GRHL3: variants seen among roughly 807,000 people sequenced by gnomAD.
The protein encoded by GRHL3 is grainyhead like transcription factor 3, also known as grainyhead-like protein 3 homolog.
GRHL3 carries 20 observed loss-of-function variants against 70.3 expected under a neutral mutation model. The observed-to-expected ratio is 0.28, with a 90% CI of 0.20 to 0.41. The LOEUF (loss-of-function observed/expected upper bound fraction) is 0.41. Ranked by LOEUF, GRHL3 falls within the 10% of genes least tolerant of loss-of-function variation. The pLI is 1.00. For missense variants in GRHL3, 637 were observed against 762.3 expected, an observed-to-expected ratio of 0.84 and a Z score of 1.94; for synonymous variants, 299 against 299.9, an observed-to-expected ratio of 1.00 and a Z score of 0.03.
At chr1:24,343,736 G>A (rs574642532) in intron 11 of GRHL3, among the ~76,000 whole-genome samples, 22 of 152,252 alleles carry the variant, frequency 1.4e-4, no homozygotes, top group Non-Finnish European at 2.6e-4. Flanking sequence ...CTCCTAGTGC[G>A]CTTCCATACT....
At chr1:24,329,499 T>G (rs1364075630) in intron 1 of GRHL3, among the ~76,000 whole-genome samples, 1 of 152,208 alleles carries the variant, frequency 6.6e-6, no homozygotes, top group Non-Finnish European at 1.5e-5. Context: ...GCGTGGCAAG[T>G]GTGTGCCTTT....
At chr1:24,346,151 C>T (rs6675501) in intron 12 of GRHL3, among the ~76,000 whole-genome samples, 81,567 of 149,498 alleles carry the variant, frequency 0.55, 22,954 homozygotes, top group African/African-American at 0.7. Flanking sequence ...TCTGACCTGA[C>T]TTCTTTTAAA....
exon 16 of GRHL3, chr1:24,364,449 T>G (rs1641325480): frequency 6.9e-7 from 1 of 1,440,242 alleles, no homozygotes; most frequent in African/African-American, 1.4e-5. Flanking sequence ...ATGTGGCCCC[T>G]GAATACATTC....
chr1:24,323,630 C>G (rs1639287507), intron 1 of GRHL3, among the ~76,000 whole-genome samples: 1 of 152,208 alleles, frequency 6.6e-6, no homozygotes, highest in Non-Finnish European at 1.5e-5. Flanking sequence ...AAATACCCAC[C>G]TCACAAGGCA....
chr1:24,363,381 G>T (rs1289519312), intron 15 of GRHL3, among the ~76,000 whole-genome samples: 1 of 152,186 alleles, frequency 6.6e-6, no homozygotes, highest in African/African-American at 2.4e-5. Context: ...AGGCAGTTCT[G>T]TACTAAGACA....
chr1:24,336,863 ATG>A, intron 4 of GRHL3, 36 bp downstream of exon 4: 1 of 1,462,466 alleles, frequency 6.8e-7, no homozygotes, highest in Non-Finnish European at 9.4e-7. Context: ...TAGCATAGAT[ATG>A]TGTGTGCATA....
At chr1:24,344,427 G>T (rs1640163296) in intron 11 of GRHL3, among the ~76,000 whole-genome samples, 1 of 149,604 alleles carries the variant, frequency 6.7e-6, no homozygotes, top group African/African-American at 2.5e-5. Flanking sequence ...GGAGGTCGAG[G>T]CTGCAGTGAG....
chr1:24,331,261 G>A (rs1361364069), intron 1 of GRHL3, among the ~76,000 whole-genome samples, 165 bp from the exon 2 acceptor site: 1 of 152,214 alleles, frequency 6.6e-6, no homozygotes, highest in East Asian at 1.9e-4. Context: ...CAGCTCCAGA[G>A]TTTGTGTCCA....
chr1:24,340,745 T>A (rs1000774086), intron 8 of GRHL3, among the ~76,000 whole-genome samples: 1 of 151,946 alleles, frequency 6.6e-6, no homozygotes, highest in Admixed American at 6.6e-5. Flanking sequence ...AAGATGGAGG[T>A]GCAGGAGCTC....
chr1:24,348,770 A>G (rs1459470680), intron 14 of GRHL3, among the ~76,000 whole-genome samples: 3 of 152,202 alleles, frequency 2.0e-5, no homozygotes, highest in Non-Finnish European at 4.4e-5. Context: ...TTTCAGTCAC[A>G]TCATCATTAA....
Position 24,337,162 on chromosome 1 carries a change from C to T in GRHL3, c.686+11C>T. The T allele has an allele frequency of 2.5e-6, 4 of 1,607,698 alleles. No individual in the cohort carries two copies. In the East Asian group the frequency reaches 8.9e-5, roughly 36 times the overall value. On this transcript the variant is annotated intron_variant, in intron 5 of 15. Transcript: ENST00000361548. Reference sequence around the variant, plus strand: ...CCCCAGCCTCAAAAGGTAACTTGGTCTCCCTGGACCCTCAGACACCTGGGC... The same window carrying T: ...CCCCAGCCTCAAAAGGTAACTTGGTTTCCCTGGACCCTCAGACACCTGGGC...
At chr1:24,336,969 T>C in intron 4 of GRHL3, 109 bp from the exon 5 acceptor site, 1 of 1,261,436 alleles carries the variant, frequency 7.9e-7, no homozygotes, top group Non-Finnish European at 1.1e-6. Flanking sequence ...TGTACTATTG[T>C]CCAAGTTGTA....
In GRHL3 at chr1:24,342,515, G is replaced by T. The variant is rs529666495; in HGVS notation, c.1207-179G>T. 6.6e-6 allele frequency among the ~76,000 whole-genome samples: 1 copy of T among 152,286 alleles called. No individual in the cohort carries two copies. The highest frequency in any genetic ancestry group is 1.9e-4 in the East Asian group (1 of 5,184). On this transcript the variant is annotated intron_variant, in intron 9 of 15. Coordinates refer to ENST00000361548, the MANE Select transcript of GRHL3 (RefSeq NM_198173.3). This position sits in a 1 kb window ranked among gnomAD's most constrained non-coding sequence, Gnocchi z 4.8. Reference sequence around the variant, plus strand: ...CCTGTAGTGACCTCAGGCAAGCAGGGCCAGGCCCCACTGGCCAGGCTGGGC... The same window carrying T: ...CCTGTAGTGACCTCAGGCAAGCAGGTCCAGGCCCCACTGGCCAGGCTGGGC...
downstream of GRHL3, among the ~76,000 whole-genome samples, chr1:24,358,912 T>G (rs760384931): frequency 2.0e-5 from 3 of 152,164 alleles, no homozygotes; most frequent in Non-Finnish European, 2.9e-5. Context: ...AGTAAAGCAA[T>G]ATTCTTAAAG....
downstream of GRHL3, chr1:24,358,460 C>A: frequency 1.7e-6 from 2 of 1,179,734 alleles, no homozygotes; most frequent in South Asian, 2.4e-5. Context: ...CACTCATGAT[C>A]GGTCTCCTCC....
chr1:24,342,187 C>A lies in GRHL3; in HGVS notation c.1120C>A (p.Leu374Met). The A allele has an allele frequency of 6.2e-7, 1 of 1,613,548 alleles. No individual in the cohort carries two copies. Among genetic ancestry groups the A allele is most frequent in the Non-Finnish European group, 8.5e-7 (1 of 1,179,640 alleles). The change falls in exon 9 of 16, where the codon CTG (leucine) becomes ATG (methionine). Residue 374 changes from leucine (L) to methionine (M), a missense_variant. By Grantham distance (15) the Leu-to-Met change is conservative. Coordinates refer to ENST00000361548, the MANE Select transcript of GRHL3 (RefSeq NM_198173.3). This position sits in a 1 kb window ranked among gnomAD's most constrained non-coding sequence, Gnocchi z 4.8. ...GGGGGTGAAGGGTGTCCCCCTGAAC[C>A]TGCAGATTGACACCTATGACTGTGG... ...QKGVKGVPLNLQIDTYDCGLG... is the reference protein window; with the variant it reads ...QKGVKGVPLNMQIDTYDCGLG...
At chr1:24,336,967 T>A in intron 4 of GRHL3, 111 bp from the exon 5 acceptor site, 2 of 1,244,466 alleles carry the variant, frequency 1.6e-6, no homozygotes, top group Non-Finnish European at 2.3e-6. Context: ...CATGTACTAT[T>A]GTCCAAGTTG....
At chr1:24,344,815 C>A in intron 11 of GRHL3, 82 bp from the exon 12 acceptor site, 2 of 1,513,872 alleles carry the variant, frequency 1.3e-6, no homozygotes, top group Non-Finnish European at 1.8e-6. Context: ...CAAAAATATT[C>A]CTCCCAGAGA....
chr1:24,338,580 C>T (rs1230027497), intron 7 of GRHL3, among the ~76,000 whole-genome samples: 6 of 152,230 alleles, frequency 3.9e-5, no homozygotes, highest in African/African-American at 1.4e-4. Context: ...TTACTCCCTT[C>T]CTGGCTGTGT....
Sources: gnomAD v4.1 joint callset for allele counts (sites outside exome capture counted in the v4.1 genomes callset) on GRCh38, gnomAD v4.1.1 for gene constraint, Gnocchi (gnomAD v3.1) non-coding constraint, MANE v1.5 for transcripts, NCBI Gene and HGNC (gene_info 2026-07-23, HGNC 2026-07-21) for gene names.